Variants in RIC1 observed in about 807,000 individuals in gnomAD.
RIC1 encodes the protein RIC1 partner of RAB6A GEF complex, also known as guanine nucleotide exchange factor subunit RIC1.
Under a neutral mutation model 169.0 loss-of-function variants are expected in RIC1, and 88 were observed. The ratio of observed to expected loss-of-function variants is 0.52; its 90% CI spans 0.44 to 0.62. RIC1 has a LOEUF of 0.62. Among genes scored for constraint, RIC1 ranks in the 20% least tolerant of loss-of-function variants. The pLI, the probability that RIC1 is intolerant of heterozygous loss-of-function variation, is 0.00. For missense variants in RIC1, 1,877 were observed against 1,725.5 expected (o/e 1.09, Z -1.56); for synonymous variants, 790 against 601.5 (o/e 1.31, Z -4.59).
intron 25 of RIC1, 101 bp downstream of exon 25, chr9:5,773,181 TTTATTTATTATATA>T (rs1256214501): frequency 1.3e-5 from 6 of 453,792 alleles, no homozygotes; most frequent in Non-Finnish European, 2.1e-5. Flanking sequence ...TTACATTTTA[TTTATTTATTATATA>T]TTATTTATTA....
At chr9:5,700,897 A>G (rs756481693) in intron 3 of RIC1, among the ~76,000 whole-genome samples, 3 of 152,222 alleles carry the variant, frequency 2.0e-5, no homozygotes, top group Non-Finnish European at 4.4e-5. Flanking sequence ...GCAAGTTATA[A>G]ATATTTTTTT....
At chr9:5,640,066 T>G (rs540815318) in intron 1 of RIC1, among the ~76,000 whole-genome samples, 1 of 152,314 alleles carries the variant, frequency 6.6e-6, no homozygotes, top group South Asian at 2.1e-4. Context: ...TCCATTTGTA[T>G]TCAATGCTAT....
At chr9:5,652,717 C>G (rs1320050395) in intron 1 of RIC1, among the ~76,000 whole-genome samples, 4 of 151,750 alleles carry the variant, frequency 2.6e-5, no homozygotes, top group East Asian at 3.9e-4. Flanking sequence ...TGCCTAATTG[C>G]TCTGGCTAGG....
intron 3 of RIC1, among the ~76,000 whole-genome samples, chr9:5,709,997 C>T (rs1269953841): frequency 6.6e-6 from 1 of 151,894 alleles, no homozygotes; most frequent in African/African-American, 2.4e-5. Context: ...TGATAATCAC[C>T]AACAGAAAAA....
chr9:5,652,215 AT>A (rs928963706), intron 1 of RIC1, among the ~76,000 whole-genome samples: 1 of 152,138 alleles, frequency 6.6e-6, no homozygotes, highest in African/African-American at 2.4e-5. Flanking sequence ...TTCAGTATGA[AT>A]TTTAGGCTTG....
intron 17 of RIC1, 101 bp downstream of exon 17, chr9:5,757,552 C>G (rs1826081548): frequency 4.9e-6 from 6 of 1,222,706 alleles, no homozygotes; most frequent in Non-Finnish European, 7.0e-6. Context: ...TACTAAGTGT[C>G]TAAAATGTAC....
chr9:5,666,666 A>G (rs1334541809), intron 2 of RIC1, among the ~76,000 whole-genome samples: 1 of 152,138 alleles, frequency 6.6e-6, no homozygotes, highest in African/African-American at 2.4e-5. Context: ...CATCCTGTTA[A>G]TGTAGTGTAT....
At chr9:5,693,603 A>G (rs1324555126) in intron 3 of RIC1, among the ~76,000 whole-genome samples, 1 of 152,156 alleles carries the variant, frequency 6.6e-6, no homozygotes, top group Non-Finnish European at 1.5e-5. Flanking sequence ...TTGTCTGGAC[A>G]TTTTATTTTA....
intron 14 of RIC1, among the ~76,000 whole-genome samples, chr9:5,754,628 G>A (rs941874076): frequency 2.6e-5 from 4 of 152,086 alleles, no homozygotes; most frequent in African/African-American, 9.7e-5. Context: ...CTTGGGAGGC[G>A]GCTGAGACAT....
At chr9:5,712,807 C>G (rs867515958) in intron 3 of RIC1, 1 of 152,148 alleles carries the variant, frequency 6.6e-6, no homozygotes, top group African/African-American at 2.4e-5. Context: ...GCTGTCACAT[C>G]AGTCAGACAT....
intron 4 of RIC1, among the ~76,000 whole-genome samples, chr9:5,715,201 G>A (rs763767627): frequency 1.3e-5 from 2 of 152,186 alleles, no homozygotes; most frequent in African/African-American, 2.4e-5. Context: ...CATGGGAATC[G>A]TTTTCAAGAA....
At position 5,629,176 on chromosome 9, in the gene RIC1, A is replaced by G. The variant is rs2130172466; in HGVS notation, c.-134A>G. ...TGCGTCGGCCCGGCCCGGCCAGGCC[A>G]GCGGGCAGATGCCCCGAGCTGCCGC... On this transcript the variant is annotated 5_prime_UTR_variant, in exon 1 of 26. Coordinates refer to ENST00000414202, the MANE Select transcript of RIC1 (RefSeq NM_020829.4). 4.6e-6 allele frequency: 4 copies of G among 862,594 alleles called. No individual in the cohort carries two copies. Among genetic ancestry groups the G allele is most frequent in the East Asian group, 7.3e-5 (2 of 27,230 alleles). The allele number at this position is 862,594 out of a possible 1,614,324, so 53.4% of individuals were successfully genotyped here.
chr9:5,762,709 AT>A, intron 18 of RIC1, 49 bp downstream of exon 18: 2 of 1,585,912 alleles, frequency 1.3e-6, no homozygotes, highest in Non-Finnish European at 1.7e-6. Context: ...AAGGTATGGG[AT>A]GAGGATGAAG....
intron 2 of RIC1, among the ~76,000 whole-genome samples, chr9:5,687,071 T>C (rs563771463): frequency 3.3e-5 from 5 of 152,288 alleles, no homozygotes; most frequent in Non-Finnish European, 7.4e-5. Context: ...TGAACTTTGG[T>C]GGTTTGTGTT....
At chr9:5,663,537 T>C (rs1313565312) in intron 2 of RIC1, among the ~76,000 whole-genome samples, 2 of 152,170 alleles carry the variant, frequency 1.3e-5, no homozygotes, top group Non-Finnish European at 2.9e-5. Flanking sequence ...TGGAGGATAT[T>C]TGGCGCTTAT....
intron 6 of RIC1, among the ~76,000 whole-genome samples, chr9:5,728,067 A>T (rs569414781): frequency 1.3e-5 from 2 of 152,326 alleles, no homozygotes; most frequent in South Asian, 2.1e-4. Flanking sequence ...ACTCTCTTCA[A>T]AGCTGTTAGA....
chr9:5,670,337 T>C (rs1315668983), intron 2 of RIC1, among the ~76,000 whole-genome samples: 2 of 152,344 alleles, frequency 1.3e-5, no homozygotes, highest in African/African-American at 2.4e-5. Context: ...GTGCCCAGAA[T>C]TGGTGAATGC....
chr9:5,685,221 A>G (rs935109274), intron 2 of RIC1, among the ~76,000 whole-genome samples: 2 of 149,096 alleles, frequency 1.3e-5, no homozygotes, highest in Non-Finnish European at 3.0e-5. Flanking sequence ...TTACAGATTC[A>G]ATGCCATCCC....
At chr9:5,753,428 A>G in intron 13 of RIC1, 108 bp from the exon 14 acceptor site, 1 of 824,944 alleles carries the variant, frequency 1.2e-6, no homozygotes, top group South Asian at 1.7e-5. Flanking sequence ...ATATTTAATT[A>G]GCAAACATTT....
Sources: gnomAD v4.1 joint callset for allele counts (sites outside exome capture counted in the v4.1 genomes callset) on GRCh38, gnomAD v4.1.1 for gene constraint, MANE v1.5 for transcripts, NCBI Gene and HGNC (gene_info 2026-07-23, HGNC 2026-07-21) for gene names.